The following SV2C variants were observed in gnomAD, a reference collection of about 807,000 sequenced individuals.
SV2C encodes the protein synaptic vesicle glycoprotein 2C.
A neutral mutation model predicts 79.7 loss-of-function variants in SV2C; 49 were observed. The observed-to-expected ratio is 0.61, with a 90% CI of 0.49 to 0.78. The LOEUF (loss-of-function observed/expected upper bound fraction) is 0.78. Among genes scored for constraint, SV2C ranks in the 30% least tolerant of loss-of-function variants. SV2C has a pLI of 0.00. For synonymous variants in SV2C, 334 were observed against 333.2 expected, an observed-to-expected ratio of 1.00 and a Z score of -0.03; for missense variants, 833 against 912.9, an observed-to-expected ratio of 0.91 and a Z score of 1.13.
intron 3 of SV2C, among the ~76,000 whole-genome samples, chr5:76,207,768 C>G (rs202144285): frequency 1.3e-5 from 2 of 152,156 alleles, no homozygotes; most frequent in East Asian, 3.8e-4. Flanking sequence ...TCTTTGTAGA[C>G]AGCCTGGTGG....
the SV2C span, among the ~76,000 whole-genome samples, chr5:76,000,984 A>G: frequency 3.3e-5 from 5 of 151,322 alleles, no homozygotes; most frequent in East Asian, 9.7e-4. Context: ...TGATGTTGTA[A>G]TTTAGTACCA....
intron 1 of SV2C, among the ~76,000 whole-genome samples, chr5:76,101,040 T>C (rs1747725391): frequency 6.6e-6 from 1 of 152,160 alleles, no homozygotes; most frequent in Admixed American, 6.5e-5. Context: ...CTCCCTAAAG[T>C]GCAGTAAGTT....
At chr5:76,312,268 G>GC (rs1748470663) in intron 12 of SV2C, among the ~76,000 whole-genome samples, 1 of 151,428 alleles carries the variant, frequency 6.6e-6, no homozygotes, top group African/African-American at 2.4e-5. Flanking sequence ...TTTTTTGGGG[G>GC]GGGGGACAGG....
intron 4 of SV2C, among the ~76,000 whole-genome samples, chr5:76,227,296 T>C (rs1040864933): frequency 1.3e-5 from 2 of 152,180 alleles, no homozygotes; most frequent in African/African-American, 4.8e-5. Flanking sequence ...ATATGTGGTC[T>C]GTGCTCGAGG....
At position 76,275,985 on chromosome 5, in the gene SV2C, G is replaced by T. The variant is rs147874106; in HGVS notation, c.914-9177G>T. 4.6e-5 allele frequency among the ~76,000 whole-genome samples: 7 copies of T among 152,298 alleles called. 1 individual carries two copies. Among genetic ancestry groups the T allele is most frequent in the African/African-American group, 1.7e-4 (7 of 41,574 alleles). On this transcript the variant is annotated intron_variant, in intron 4 of 12. Transcript: ENST00000502798. Reference sequence around the variant, plus strand: ...GCCAATATAAAAGGTTCATTTAAAAGAATCCATTTTACTAACTGCAGGTAA... The same window carrying T: ...GCCAATATAAAAGGTTCATTTAAAATAATCCATTTTACTAACTGCAGGTAA...
chr5:76,079,665 G>T, upstream of SV2C: 1 of 338,980 alleles, frequency 3.0e-6, no homozygotes, highest in Non-Finnish European at 5.9e-6. Context: ...GAACAGCTTG[G>T]GTGCCTGTAT....
the SV2C span, among the ~76,000 whole-genome samples, chr5:75,848,211 G>A: frequency 1.5e-4 from 23 of 152,204 alleles, no homozygotes; most frequent in Non-Finnish European, 2.8e-4. Flanking sequence ...GTGTGGAACT[G>A]AATCCAGAGG....
chr5:76,253,708 G>GAAAAAAA (rs11390195), intron 4 of SV2C, among the ~76,000 whole-genome samples: 1 of 118,208 alleles, frequency 8.5e-6, no homozygotes, highest in Non-Finnish European at 1.7e-5. Context: ...CCTCCCTAAG[G>GAAAAAAA]AAAAAAAAAA....
chr5:76,093,369 CT>C (rs1747442082), intron 1 of SV2C, among the ~76,000 whole-genome samples: 1 of 152,166 alleles, frequency 6.6e-6, no homozygotes, highest in Admixed American at 6.5e-5. Context: ...AGTGGTGTGA[CT>C]GTGTCCAGAA....
chr5:75,984,567 A>ATCTATCTATCTATCTATCTATATCTATC, the SV2C span, among the ~76,000 whole-genome samples: 7 of 102,826 alleles, frequency 6.8e-5, no homozygotes, highest in African/African-American at 2.0e-4. Context: ...CTATCTATCT[A>ATCTATCTATCTATCTATCTATATCTATC]TATCTATCTA....
intron 4 of SV2C, among the ~76,000 whole-genome samples, chr5:76,226,155 G>A (rs10068332): frequency 0.52 from 79,617 of 151,962 alleles, 21,180 homozygotes; most frequent in Admixed American, 0.59. Context: ...TCCTAGTTAG[G>A]TGGAGGGTAT....
At chr5:76,151,473 A>G (rs1309917542) in intron 2 of SV2C, among the ~76,000 whole-genome samples, 1 of 152,166 alleles carries the variant, frequency 6.6e-6, no homozygotes, top group African/African-American at 2.4e-5. Context: ...GACAGGCACA[A>G]ACTTGAGATG....
chr5:76,340,798 C>T (rs78719628), intron 12 of SV2C, among the ~76,000 whole-genome samples: 21 of 152,196 alleles, frequency 1.4e-4, no homozygotes, highest in African/African-American at 5.1e-4. Flanking sequence ...TTCATAGAGA[C>T]GAGGTCTTGG....
At chr5:75,949,929 ATTG>A in the SV2C span, among the ~76,000 whole-genome samples, 11 of 152,010 alleles carry the variant, frequency 7.2e-5, no homozygotes, top group Non-Finnish European at 1.6e-4. Flanking sequence ...GGGATTGGAT[ATTG>A]TTGTAAGAAA....
chr5:76,250,127 A>AT (rs955072487), intron 4 of SV2C, among the ~76,000 whole-genome samples: 2 of 152,070 alleles, frequency 1.3e-5, no homozygotes, highest in Non-Finnish European at 2.9e-5. Context: ...TGGTAAAGAA[A>AT]TGTTGGCAGG....
the SV2C span, among the ~76,000 whole-genome samples, chr5:75,999,996 TG>T: frequency 6.6e-6 from 1 of 152,124 alleles, no homozygotes; most frequent in Non-Finnish European, 1.5e-5. Context: ...ACTGTTGCAT[TG>T]AGGATTAAGC....
chr5:75,937,478 A>G, the SV2C span, among the ~76,000 whole-genome samples: 1 of 152,112 alleles, frequency 6.6e-6, no homozygotes, highest in Admixed American at 6.6e-5. Context: ...AGATGGGAGG[A>G]TCATTTGAGC....
At position 76,194,935 on chromosome 5, in the gene SV2C, C is replaced by A; in HGVS notation, c.597C>A (p.Leu199=). The A allele has an allele frequency of 2.5e-6, 4 of 1,613,902 alleles. No individual in the cohort carries two copies. The highest frequency in any genetic ancestry group is 3.4e-6 in the Non-Finnish European group (4 of 1,179,906). ...GTGTTGCAGGCAGCATAGTGTACCTCGGGATGATGGTGGGGGCGTTCTTCT... is the reference window on the plus strand; with the variant it reads ...GTGTTGCAGGCAGCATAGTGTACCTAGGGATGATGGTGGGGGCGTTCTTCT... ...GSGWLGSIVY[L]GMMVGAFFWG... The change falls in exon 3 of 13, where the codon CTC becomes CTA. Residue 199 remains leucine, a synonymous_variant. Coordinates refer to ENST00000502798, the MANE Select transcript of SV2C (RefSeq NM_014979.4).
the SV2C span, among the ~76,000 whole-genome samples, chr5:75,874,745 T>G: frequency 6.6e-6 from 1 of 151,962 alleles, no homozygotes; most frequent in East Asian, 1.9e-4. Context: ...AAATCACTAG[T>G]GTTCCCATAC....
Sources: gnomAD v4.1 joint callset for allele counts (sites outside exome capture counted in the v4.1 genomes callset) on GRCh38, gnomAD v4.1.1 for gene constraint, MANE v1.5 for transcripts, NCBI Gene and HGNC (gene_info 2026-07-23, HGNC 2026-07-21) for gene names.